The following ZNF665 variants were observed in gnomAD, a reference collection of about 807,000 sequenced individuals.
ZNF665 encodes the protein zinc finger protein 665.
Under a neutral mutation model 7.9 loss-of-function variants are expected in ZNF665, and 6 were observed. The ratio of observed to expected loss-of-function variants is 0.76; its 90% CI spans 0.42 to 1.50. ZNF665 has a LOEUF of 1.50. Ranked by LOEUF, ZNF665 falls within the 40% of genes most tolerant of loss-of-function variation. The pLI is 0.01. For missense variants in ZNF665, 819 were observed against 806.7 expected (o/e 1.02, Z -0.18); for synonymous variants, 242 against 274.5 (o/e 0.88, Z 1.17).
chr19:53,179,111 T>C lies in ZNF665; in HGVS notation c.16-3540A>G, dbSNP rs530355568. ...AGTTTTGGCTGAGCACAGTGGCTCATGCCTGTAATCCCAGCACTTTGGGAG... is the reference window on the plus strand; with the variant it reads ...AGTTTTGGCTGAGCACAGTGGCTCACGCCTGTAATCCCAGCACTTTGGGAG... On this transcript the variant is annotated intron_variant, in intron 2 of 3. Transcript: ENST00000396424. 1.1e-3 allele frequency among the ~76,000 whole-genome samples: 164 copies of C among 152,246 alleles called. 2 individuals are homozygous for C. The highest frequency in any genetic ancestry group is 5.0e-3 in the East Asian group (26 of 5,174).
intron 1 of ZNF665, among the ~76,000 whole-genome samples, chr19:53,192,312 TC>T (rs1451208854): frequency 2.0e-5 from 3 of 152,072 alleles, no homozygotes; most frequent in Non-Finnish European, 4.4e-5. Flanking sequence ...GCTGTGGTTC[TC>T]CCTCTGCTCT....
chr19:53,166,054 G>C lies in ZNF665; in HGVS notation c.436C>G (p.Gln146Glu), dbSNP rs1475538696. The C allele has an allele frequency of 6.2e-7, 1 of 1,614,094 alleles. No homozygotes were observed. The highest frequency in any genetic ancestry group is 8.5e-7 in the Non-Finnish European group (1 of 1,179,954). ...TGCTGCAGTTCAGGGAGATGTGACT[G>C]AAAGCTTACTCCAAGCTGATTTTCA... The part of the protein sequence containing the change: ...HIENQLGVSF[Q>E]SHLPELQQFQ... Residue 146 changes from glutamine (Q) to glutamate (E), a missense_variant, in exon 4 of 4, where the codon CAG (glutamine) becomes GAG (glutamate). By Grantham distance (29) the Gln-to-Glu change is conservative (BLOSUM62 2). Transcript: ENST00000396424.
At chr19:53,192,893 G>A (rs1383970127) in intron 1 of ZNF665, among the ~76,000 whole-genome samples, 2 of 152,112 alleles carry the variant, frequency 1.3e-5, no homozygotes, top group Non-Finnish European at 2.9e-5. Flanking sequence ...CCTTAGGAGA[G>A]GGGTGGGGTA....
intron 3 of ZNF665, among the ~76,000 whole-genome samples, chr19:53,173,324 C>T (rs2090672066): frequency 1.3e-5 from 2 of 149,346 alleles, no homozygotes; most frequent in Admixed American, 1.3e-4. Flanking sequence ...TTCTTGGTAC[C>T]TCTGTCAAAA....
intron 1 of ZNF665, among the ~76,000 whole-genome samples, chr19:53,192,395 C>T (rs114520896): frequency 3.3e-5 from 5 of 152,108 alleles, no homozygotes; most frequent in Admixed American, 2.6e-4. Context: ...CCAAATACCC[C>T]CTCCTCTCCC....
At chr19:53,178,368 G>A (rs1161137510) in intron 2 of ZNF665, among the ~76,000 whole-genome samples, 1 of 152,184 alleles carries the variant, frequency 6.6e-6, no homozygotes, top group Non-Finnish European at 1.5e-5. Context: ...AACTTTCCCA[G>A]TCTTTTAGAT....
chr19:53,179,034 A>G (rs1398793652), intron 2 of ZNF665, among the ~76,000 whole-genome samples: 1 of 152,156 alleles, frequency 6.6e-6, no homozygotes, highest in African/African-American at 2.4e-5. Context: ...GGACTTTCTC[A>G]CTGGAAATTT....
At position 53,190,626 on chromosome 19, in the gene ZNF665, G is replaced by A. The variant is rs144541331; in HGVS notation, c.-46+2686C>T. On this transcript the variant is annotated intron_variant, in intron 1 of 3. Transcript: ENST00000396424. The stretch of plus-strand genomic sequence containing the variant: ...CTAAAACCATTCATCTGTATGCTTC[G>A]TAGTATCCTTTATAACAATTAGGTA... 1.9e-3 allele frequency among the ~76,000 whole-genome samples: 296 copies of A among 152,244 alleles called. 1 individual carries two copies. The highest frequency in any genetic ancestry group is 6.8e-3 in the African/African-American group (282 of 41,546).
In ZNF665 at chr19:53,164,474, A is replaced by G. The variant is rs995637839; in HGVS notation, c.2016T>C (p.His672=). Residue 672 remains histidine (H), a synonymous_variant, in exon 4 of 4, where the codon CAT becomes CAC. Transcript: ENST00000396424. ...VFTQNSNLAK[H]RRIHSG ...GTTTCTATCCACTATGAATTCTTCGATGTTTTGCAAGGTTTGAATTTTGAG... is the reference window on the plus strand; with the variant it reads ...GTTTCTATCCACTATGAATTCTTCGGTGTTTTGCAAGGTTTGAATTTTGAG... The G allele has an allele frequency of 1.3e-6, 2 of 1,596,904 alleles. No individual in the cohort carries two copies. The highest frequency in any genetic ancestry group is 2.7e-5 in the African/African-American group (2 of 74,422).
At chr19:53,174,543 C>T (rs1252002666) in intron 3 of ZNF665, among the ~76,000 whole-genome samples, 1 of 152,202 alleles carries the variant, frequency 6.6e-6, no homozygotes, top group African/African-American at 2.4e-5. Flanking sequence ...CTCTGATCCA[C>T]TCCCAGTTTC....
At position 53,165,213 on chromosome 19, in the gene ZNF665, C is replaced by T. The variant is rs748650547; in HGVS notation, c.1277G>A (p.Gly426Glu). The T allele has an allele frequency of 6.2e-6, 10 of 1,614,110 alleles. No homozygotes were observed. The South Asian group carries it at 1.1e-4, about 18-fold the overall frequency. Residue 426 changes from glycine to glutamate, a missense_variant, in exon 4 of 4, where the codon GGA (glycine) becomes GAA (glutamate). Transcript: ENST00000396424. ...CTCATCACACCTGTAAGGTTTCTCT[C>T]CAGTATGAATTCTTCGATGATTTGC... ...HLANHRRIHT[G>E]EKPYRCDECG...
chr19:53,179,636 T>C (rs1191168336), intron 2 of ZNF665: 1 of 152,056 alleles, frequency 6.6e-6, no homozygotes, highest in Non-Finnish European at 1.5e-5. Context: ...GTATCTTCTG[T>C]AATAGTATTT....
chr19:53,166,171 C>G lies in ZNF665; in HGVS notation c.319G>C (p.Gly107Arg). ...AACATAAGTACTGTTTTATAATTTC[C>G]TTCATCATCTTTCCACTGACACTCA... ...DFECQWKDDE[G>R]NYKTVLMLQK... The change falls in exon 4 of 4, where the codon GGA becomes CGA. Residue 107 changes from glycine to arginine, a missense_variant. Coordinates refer to ENST00000396424, the MANE Select transcript of ZNF665 (RefSeq NM_024733.5). 1 of 1,613,832 alleles carries G rather than the reference C, an allele frequency of 6.2e-7. No individual in the cohort carries two copies. The highest frequency in any genetic ancestry group is 1.1e-5 in the South Asian group (1 of 91,058).
chr19:53,183,666 C>G (rs536685058), intron 1 of ZNF665, among the ~76,000 whole-genome samples: 13 of 151,930 alleles, frequency 8.6e-5, no homozygotes, highest in African/African-American at 2.9e-4. Context: ...AAGCGGGGGT[C>G]AGGGAGAGGG....
chr19:53,174,037 C>A (rs556714309), intron 3 of ZNF665, among the ~76,000 whole-genome samples: 1 of 152,118 alleles, frequency 6.6e-6, no homozygotes, highest in Non-Finnish European at 1.5e-5. Context: ...GTGAAGTTTC[C>A]GGGGCCCCAG....
rs1433253705 is a variant in ZNF665, at chr19:53,164,521, T to TA, written c.1968dup (p.Asn657Ter). The TA allele has an allele frequency of 1.2e-6, 2 of 1,612,288 alleles. No homozygotes were observed. Among genetic ancestry groups the TA allele is most frequent in the Non-Finnish European group, 1.7e-6 (2 of 1,179,414 alleles). ...TGAGTAAAGACCTTGCCACATTGGT[T>TA]ACATTTGTAAGGTTTGTCTCCAGTA... is the stretch of plus-strand genomic sequence containing the variant. On this transcript the variant is annotated frameshift_variant, in exon 4 of 4. Transcript: ENST00000396424. LOFTEE classifies it low-confidence loss of function (END_TRUNC).
At position 53,164,611 on chromosome 19, in the gene ZNF665, T is replaced by C. The variant is rs749269161; in HGVS notation, c.1879A>G (p.Arg627Gly). 6.2e-7 allele frequency: 1 copy of C among 1,614,170 alleles called. No homozygotes were observed. Among genetic ancestry groups the C allele is most frequent in the South Asian group, 1.1e-5 (1 of 91,078 alleles). Residue 627 changes from arginine to glycine, a missense_variant, in exon 4 of 4, where the codon AGG becomes GGG. Arg to Gly is a moderately radical substitution (Grantham distance 125). Transcript: ENST00000396424. ...AAGGCTTTCCCACACTCATTACACCTATAAGGTTTTTCTCCAGTGTGAATT... is the reference window on the plus strand; with the variant it reads ...AAGGCTTTCCCACACTCATTACACCCATAAGGTTTTTCTCCAGTGTGAATT... ...RRIHTGEKPYRCNECGKAFSV... is the reference protein window; with the variant it reads ...RRIHTGEKPYGCNECGKAFSV...
At chr19:53,184,026 G>A (rs2090758288) in intron 1 of ZNF665, among the ~76,000 whole-genome samples, 1 of 152,126 alleles carries the variant, frequency 6.6e-6, no homozygotes, top group African/African-American at 2.4e-5. Context: ...GAGGTGGGTG[G>A]ACTGCTTGAG....
rs1271858038 is a variant in ZNF665, at chr19:53,164,521, T to C, written c.1969A>G (p.Asn657Asp). ...TGAGTAAAGACCTTGCCACATTGGT[T>C]ACATTTGTAAGGTTTGTCTCCAGTA... ...VHTGDKPYKC[N>D]QCGKVFTQNS... is the part of the protein sequence containing the mutation. The change falls in exon 4 of 4, where the codon AAC becomes GAC. Residue 657 changes from asparagine (N) to aspartate (D), a missense_variant. Physicochemically the swap from Asn to Asp is conservative, Grantham distance 23 (BLOSUM62 1). Transcript: ENST00000396424. 6.2e-7 allele frequency: 1 copy of C among 1,612,288 alleles called. No individual in the cohort carries two copies. The highest frequency in any genetic ancestry group is 8.5e-7 in the Non-Finnish European group (1 of 1,179,414).
Sources: allele counts gnomAD v4.1 joint callset (sites outside exome capture counted in the v4.1 genomes callset), GRCh38; gene constraint gnomAD v4.1.1; transcripts MANE v1.5; gene names NCBI Gene and HGNC (gene_info 2026-07-23, HGNC 2026-07-21).